The following C2orf69 variants were observed in gnomAD, a reference collection of about 807,000 sequenced individuals.
C2orf69 encodes mitochondrial protein C2orf69.
C2orf69 carries 19 observed loss-of-function variants against 29.5 expected under a neutral mutation model. The observed-to-expected ratio is 0.65, with a 90% CI of 0.45 to 0.95. C2orf69 has a LOEUF of 0.95. C2orf69 is among the 40% of genes least tolerant of loss of function. The probability of loss-of-function intolerance (pLI) is 0.00; values close to 1 mark genes in which losing one functional copy is unlikely to be tolerated. For missense variants in C2orf69, 416 were observed against 482.1 expected (o/e 0.86, Z 1.28); for synonymous variants, 194 against 180.0 (o/e 1.08, Z -0.62).
At chr2:199,923,473 G>A (rs1402994454) in intron 1 of C2orf69, among the ~76,000 whole-genome samples, 1 of 152,096 alleles carries the variant, frequency 6.6e-6, no homozygotes, top group African/African-American at 2.4e-5. Flanking sequence ...TTCAGTTAAT[G>A]GAAAACTTTT....
In C2orf69 at chr2:199,925,272, G is replaced by T; in HGVS notation, c.544G>T (p.Gly182Ter). The T allele has an allele frequency of 1.9e-6, 3 of 1,612,214 alleles. No individual in the cohort carries two copies. Among genetic ancestry groups the T allele is most frequent in the Non-Finnish European group, 2.5e-6 (3 of 1,179,646 alleles). Residue 182 changes from glycine to a stop codon, truncating the protein, a stop_gained, in exon 2 of 2, where the codon GGA (glycine) becomes TGA (stop). Coordinates refer to ENST00000319974, the MANE Select transcript of C2orf69 (RefSeq NM_153689.6). LOFTEE classifies it high-confidence loss of function. The surrounding 1 kb of genome is among the most constrained non-coding windows in gnomAD (Gnocchi z 4.9). ...FGAPEHNTDF[G>*]AFKHLYMLLV... is the part of the protein sequence containing the mutation. ...TGCCCCAGAACACAATACTGACTTT[G>T]GAGCTTTTAAGCACCTTTATATGTT...
At chr2:199,919,164 A>C (rs1318991982) in intron 1 of C2orf69, among the ~76,000 whole-genome samples, 1 of 152,166 alleles carries the variant, frequency 6.6e-6, no homozygotes, top group Non-Finnish European at 1.5e-5. Flanking sequence ...TAGGTTGCCT[A>C]GGCTGGTCTC....
intron 1 of C2orf69, among the ~76,000 whole-genome samples, chr2:199,912,713 TC>T (rs201282223): frequency 0.011 from 1,636 of 152,296 alleles, 13 homozygotes; most frequent in Middle Eastern, 0.017. Context: ...CAGTCTCGAC[TC>T]ACTGCAACCT....
chr2:199,911,870 G>GC (rs1169005371), intron 1 of C2orf69, 99 bp downstream of exon 1: 1 of 1,484,854 alleles, frequency 6.7e-7, no homozygotes, highest in Non-Finnish European at 9.0e-7. Context: ...TCCTTTCCTT[G>GC]CCTGAACACA....
At chr2:199,924,994 C>G (rs1386785619) in intron 1 of C2orf69, 68 bp from the exon 2 acceptor site, 1 of 986,096 alleles carries the variant, frequency 1.0e-6, no homozygotes, top group East Asian at 2.6e-5. Flanking sequence ...AAAATGGAAA[C>G]TTATTTTGTG....
chr2:199,922,691 A>G (rs2077321719), intron 1 of C2orf69, among the ~76,000 whole-genome samples: 1 of 152,084 alleles, frequency 6.6e-6, no homozygotes, highest in South Asian at 2.1e-4. Flanking sequence ...TATCCAATCC[A>G]TTTGCAAATC....
chr2:199,925,299 T>C lies in C2orf69; in HGVS notation c.571T>C (p.Leu191=). 1 of 1,612,220 alleles carries C rather than the reference T, an allele frequency of 6.2e-7. No individual in the cohort carries two copies. The highest frequency in any genetic ancestry group is 8.5e-7 in the Non-Finnish European group (1 of 1,179,170). Residue 191 remains leucine (L), a synonymous_variant, in exon 2 of 2, where the codon TTA becomes CTA. Transcript: ENST00000319974. This position sits in a 1 kb window ranked among gnomAD's most constrained non-coding sequence, Gnocchi z 4.9. ...FGAFKHLYML[L]VNAFNLSQNS... ...AGCTTTTAAGCACCTTTATATGTTA[T>C]TAGTTAATGCTTTTAATTTAAGTCA...
intron 1 of C2orf69, among the ~76,000 whole-genome samples, chr2:199,912,198 CCAAA>C (rs1475628333): frequency 6.6e-6 from 1 of 152,140 alleles, no homozygotes; most frequent in Non-Finnish European, 1.5e-5. Context: ...TAATTAAAAA[CCAAA>C]CAAACATTAC....
At chr2:199,920,394 G>C (rs1478935117) in intron 1 of C2orf69, among the ~76,000 whole-genome samples, 1 of 151,996 alleles carries the variant, frequency 6.6e-6, no homozygotes, top group Non-Finnish European at 1.5e-5. Context: ...GTGGAACCTG[G>C]GGCTAATCAA....
In C2orf69 at chr2:199,911,329, G is replaced by A. The variant is rs2077255110; in HGVS notation, c.-110G>A. On this transcript the variant is annotated 5_prime_UTR_variant, in exon 1 of 2. Coordinates refer to ENST00000319974, the MANE Select transcript of C2orf69 (RefSeq NM_153689.6). ...TCGCCTCAGCGCCGGCTCCCGGCCG[G>A]GCCGCGGCCGCCGACCGTTGAGCCG... The A allele has an allele frequency of 9.2e-6, 12 of 1,304,756 alleles. No individual in the cohort carries two copies. The South Asian group carries it at 2.2e-4, about 24-fold the overall frequency. The allele number at this position is 1,304,756 out of a possible 1,614,324, so 80.8% of individuals were successfully genotyped here. A position where few individuals can be genotyped will look rare whatever the true frequency, so the allele number is the denominator to read the frequency against.
At chr2:199,919,421 T>G (rs774887882) in intron 1 of C2orf69, among the ~76,000 whole-genome samples, 67 of 152,368 alleles carry the variant, frequency 4.4e-4, no homozygotes, top group Middle Eastern at 3.4e-3. Flanking sequence ...CTAAGTGGTG[T>G]CTCCTGGTCA....
chr2:199,921,558 C>T (rs1006385510), intron 1 of C2orf69, among the ~76,000 whole-genome samples: 3 of 152,094 alleles, frequency 2.0e-5, no homozygotes, highest in Admixed American at 2.0e-4. Context: ...TAGCCGTCAG[C>T]ATTAAGAATG....
Position 199,911,302 on chromosome 2 carries a change from C to T in C2orf69, c.-137C>T, listed in dbSNP as rs2077254514. 2.0e-5 allele frequency: 21 copies of T among 1,062,714 alleles called. No homozygotes were observed. Among genetic ancestry groups the T allele is most frequent in the Non-Finnish European group, 2.4e-5 (19 of 795,770 alleles). The allele number at this position is 1,062,714 out of a possible 1,614,324, so 65.8% of individuals were successfully genotyped here. On this transcript the variant is annotated 5_prime_UTR_variant, in exon 1 of 2. Coordinates refer to ENST00000319974, the MANE Select transcript of C2orf69 (RefSeq NM_153689.6). ...GCGCGCGGACGTCGGCCTCTGACGT[C>T]GTCGCCTCAGCGCCGGCTCCCGGCC... is the stretch of plus-strand genomic sequence containing the variant.
intron 1 of C2orf69, among the ~76,000 whole-genome samples, chr2:199,922,057 T>TATATATA (rs2077318887): frequency 4.6e-5 from 1 of 21,848 alleles, no homozygotes; most frequent in Non-Finnish European, 9.3e-5. Flanking sequence ...ATATATATGC[T>TATATATA]TCCAGAGACA....
chr2:199,911,443 G>T lies in C2orf69; in HGVS notation c.5G>T (p.Trp2Leu), dbSNP rs1022407764. 5.5e-5 allele frequency: 85 copies of T among 1,533,866 alleles called. No individual in the cohort carries two copies. The highest frequency in any genetic ancestry group is 6.9e-5 in the Non-Finnish European group (79 of 1,139,428). M[W>L]GFRLLRSPPL... Reference sequence around the variant, plus strand: ...CCGCTCTCGCGGCGGCGACCCATGTGGGGGTTCAGGCTCCTGCGGTCGCCG... The same window carrying T: ...CCGCTCTCGCGGCGGCGACCCATGTTGGGGTTCAGGCTCCTGCGGTCGCCG... The change falls in exon 1 of 2, where the codon TGG (tryptophan) becomes TTG (leucine). Residue 2 changes from tryptophan (W) to leucine (L), a missense_variant. Coordinates refer to ENST00000319974, the MANE Select transcript of C2orf69 (RefSeq NM_153689.6).
At position 199,911,651 on chromosome 2, in the gene C2orf69, G is replaced by T; in HGVS notation, c.213G>T (p.Leu71Phe). 1.3e-6 allele frequency: 2 copies of T among 1,549,162 alleles called. No homozygotes were observed. The highest frequency in any genetic ancestry group is 1.7e-6 in the Non-Finnish European group (2 of 1,146,660). Residue 71 changes from leucine (L) to phenylalanine (F), a missense_variant, in exon 1 of 2, where the codon TTG becomes TTT. Leu to Phe is a conservative substitution (Grantham distance 22). Coordinates refer to ENST00000319974, the MANE Select transcript of C2orf69 (RefSeq NM_153689.6). ...CCGATCCGCAGCGCAGCAACGAATT[G>T]CTCCTGTTGGCGGCGGCCGGGGAGG... ...PGADPQRSNE[L>F]LLLAAAGEGL... is the part of the protein sequence containing the mutation.
chr2:199,925,041 TTC>T lies in C2orf69; in HGVS notation c.334-20_334-19del. On this transcript the variant is annotated intron_variant, in intron 1 of 1. Transcript: ENST00000319974. This position sits in a 1 kb window ranked among gnomAD's most constrained non-coding sequence, Gnocchi z 4.9. The stretch of plus-strand genomic sequence containing the variant: ...ATGTAAATATGTATTTAATACTTAT[TTC>T]ATCTTTCTTACCTTTCAGAATTACC... 1 of 1,400,970 alleles carries T rather than the reference TTC, an allele frequency of 7.1e-7. No homozygotes were observed. Among genetic ancestry groups the T allele is most frequent in the Non-Finnish European group, 1.0e-6 (1 of 1,004,200 alleles). The allele number at this position is 1,400,970 out of a possible 1,614,324, so 86.8% of individuals were successfully genotyped here. A position where few individuals can be genotyped will look rare whatever the true frequency, so the allele number is the denominator to read the frequency against.
chr2:199,923,553 C>T (rs922446906), intron 1 of C2orf69, among the ~76,000 whole-genome samples: 78 of 152,166 alleles, frequency 5.1e-4, no homozygotes, highest in African/African-American at 1.8e-3. Context: ...GATTCAAATT[C>T]AGATCAAGTA....
intron 1 of C2orf69, among the ~76,000 whole-genome samples, chr2:199,923,844 A>G (rs1306913394): frequency 1.3e-5 from 2 of 152,114 alleles, no homozygotes; most frequent in Admixed American, 1.3e-4. Flanking sequence ...TGCTCTATTT[A>G]TTTGTGGAGT....
Sources: allele counts gnomAD v4.1 joint callset (sites outside exome capture counted in the v4.1 genomes callset), GRCh38; gene constraint gnomAD v4.1.1; non-coding constraint Gnocchi (gnomAD v3.1); transcripts MANE v1.5; gene names NCBI Gene and HGNC (gene_info 2026-07-23, HGNC 2026-07-21).